SNX9: variants seen among roughly 807,000 people sequenced by gnomAD.
The protein encoded by SNX9 is sorting nexin 9, also known as sorting nexin-9.
In SNX9, 44 loss-of-function variants were observed where a neutral mutation model predicts 89.4. That is an observed-to-expected ratio of 0.49 (90% CI 0.39 to 0.63). The LOEUF (loss-of-function observed/expected upper bound fraction) is 0.63. SNX9 is among the 30% of genes least tolerant of loss of function. The pLI is 0.00. For missense variants in SNX9, 578 were observed against 736.1 expected (o/e 0.79, Z 2.49); for synonymous variants, 236 against 247.8 (o/e 0.95, Z 0.45).
chr6:157,894,083 C>A (rs945424393), intron 4 of SNX9, among the ~76,000 whole-genome samples: 1 of 115,520 alleles, frequency 8.7e-6, no homozygotes, highest in Non-Finnish European at 1.9e-5. Context: ...TGTATCATTT[C>A]TTTTTCTTTT....
intron 4 of SNX9, among the ~76,000 whole-genome samples, chr6:157,894,311 T>C (rs1782929809): frequency 6.6e-6 from 1 of 151,332 alleles, no homozygotes; most frequent in African/African-American, 2.4e-5. Flanking sequence ...GGTTTCACCG[T>C]GTTGGCCAGG....
chr6:157,916,633 C>T (rs1783478138), intron 9 of SNX9, among the ~76,000 whole-genome samples: 1 of 152,138 alleles, frequency 6.6e-6, no homozygotes, highest in Non-Finnish European at 1.5e-5. Flanking sequence ...AGTTTTTGTT[C>T]ATGAATAGAT....
intron 1 of SNX9, among the ~76,000 whole-genome samples, chr6:157,841,456 T>C (rs1241480967): frequency 1.3e-5 from 2 of 151,858 alleles, no homozygotes; most frequent in Admixed American, 6.6e-5. Flanking sequence ...GAGAGAGAGA[T>C]TGAGACCTAC....
In SNX9 at chr6:157,930,089, T is replaced by C. The variant is rs1407373533; in HGVS notation, c.1288+1387T>C. On this transcript the variant is annotated intron_variant, in intron 12 of 17. Coordinates refer to ENST00000392185, the MANE Select transcript of SNX9 (RefSeq NM_016224.5). ...CTAAAACGTTTACTATCTGGCACTT[T>C]GCAGAGGAAGTTTGCCAGGCCCTGC... is the stretch of plus-strand genomic sequence containing the variant. Among the ~76,000 whole-genome samples, 3 of 152,314 alleles carry C rather than the reference T, an allele frequency of 2.0e-5. No homozygotes were observed. The East Asian group carries it at 5.8e-4, about 29-fold the overall frequency.
intron 10 of SNX9, among the ~76,000 whole-genome samples, chr6:157,926,804 A>T (rs1265573095): frequency 6.8e-6 from 1 of 146,544 alleles, no homozygotes; most frequent in Non-Finnish European, 1.5e-5. Context: ...AAAAAAAAAA[A>T]GTATAGGGTG....
intron 5 of SNX9, among the ~76,000 whole-genome samples, chr6:157,901,228 G>A (rs542918058): frequency 6.6e-6 from 1 of 152,178 alleles, no homozygotes; most frequent in South Asian, 2.1e-4. Context: ...CAATAATCAG[G>A]AGCATTTCAT....
chr6:157,910,891 G>A (rs1189511831), intron 9 of SNX9, among the ~76,000 whole-genome samples: 1 of 152,168 alleles, frequency 6.6e-6, no homozygotes, highest in African/African-American at 2.4e-5. Flanking sequence ...GGAGGCCGAG[G>A]CGGGCGGATC....
intron 1 of SNX9, among the ~76,000 whole-genome samples, chr6:157,828,654 C>T (rs7765673): frequency 1.5e-3 from 222 of 152,144 alleles, no homozygotes; most frequent in African/African-American, 5.2e-3. Context: ...CCACCATGCC[C>T]AGCTACTTTT....
intron 1 of SNX9, among the ~76,000 whole-genome samples, chr6:157,859,153 A>G (rs1782069760): frequency 6.6e-6 from 1 of 152,224 alleles, no homozygotes; most frequent in South Asian, 2.1e-4. Flanking sequence ...GACAGGTGAC[A>G]TACACACACA....
intron 6 of SNX9, 145 bp from the exon 7 acceptor site, chr6:157,905,983 A>G: frequency 1.7e-6 from 1 of 603,220 alleles, no homozygotes; most frequent in East Asian, 3.2e-5. Context: ...ATCTGATTAC[A>G]TTAGGTTTCA....
At chr6:157,920,463 A>T (rs1783560855) in intron 9 of SNX9, among the ~76,000 whole-genome samples, 1 of 152,076 alleles carries the variant, frequency 6.6e-6, no homozygotes, top group East Asian at 1.9e-4. Context: ...CAGCCTGTCC[A>T]CCCTAGTGGT....
At chr6:157,934,847 C>T (rs989292903) in intron 13 of SNX9, among the ~76,000 whole-genome samples, 1 of 152,092 alleles carries the variant, frequency 6.6e-6, no homozygotes, top group South Asian at 2.1e-4. Context: ...AAACAGTTAC[C>T]CAATCCAGTA....
chr6:157,880,522 G>A (rs1485105126), intron 4 of SNX9, among the ~76,000 whole-genome samples: 3 of 152,058 alleles, frequency 2.0e-5, no homozygotes. Context: ...ATCTTCAACC[G>A]AATCACTTAT....
rs561957393 is a variant in SNX9 at position 157,846,349 on chromosome 6, G to A, written c.13-21198G>A. Among the ~76,000 whole-genome samples, 4 of 152,356 alleles carry A rather than the reference G, an allele frequency of 2.6e-5. No individual in the cohort carries two copies. The East Asian group carries it at 7.7e-4, about 29-fold the overall frequency. On this transcript the variant is annotated intron_variant, in intron 1 of 17. Coordinates refer to ENST00000392185, the MANE Select transcript of SNX9 (RefSeq NM_016224.5). ...AAGCCAGCTGTAGTTCTGTGGTGAGGTTTATGTTAGCTCTGTGAATCTAGA... is the reference window on the plus strand; with the variant it reads ...AAGCCAGCTGTAGTTCTGTGGTGAGATTTATGTTAGCTCTGTGAATCTAGA...
intron 10 of SNX9, among the ~76,000 whole-genome samples, chr6:157,925,266 A>C (rs1783667595): frequency 2.7e-5 from 4 of 150,922 alleles, no homozygotes; most frequent in African/African-American, 1.0e-4. Context: ...TAATCTCATT[A>C]GCAATCAATA....
At chr6:157,835,594 T>A (rs113894065) in intron 1 of SNX9, among the ~76,000 whole-genome samples, 2 of 152,132 alleles carry the variant, frequency 1.3e-5, no homozygotes, top group African/African-American at 4.8e-5. Flanking sequence ...TCTTGAATTG[T>A]AATCGCTGTA....
At chr6:157,873,031 C>A in intron 2 of SNX9, 71 bp from the exon 3 acceptor site, 2 of 1,267,714 alleles carry the variant, frequency 1.6e-6, no homozygotes, top group South Asian at 1.7e-5. Context: ...ACAATTCCTC[C>A]ACACAAAATT....
chr6:157,871,773 CTTTT>C (rs750179923), intron 2 of SNX9, among the ~76,000 whole-genome samples: 1 of 122,200 alleles, frequency 8.2e-6, no homozygotes, highest in Non-Finnish European at 1.7e-5. Flanking sequence ...TCAGTCTTAC[CTTTT>C]TTTTTTTTTT....
At chr6:157,825,562 A>G (rs1242902726) in intron 1 of SNX9, among the ~76,000 whole-genome samples, 1 of 152,190 alleles carries the variant, frequency 6.6e-6, no homozygotes, top group African/African-American at 2.4e-5. Context: ...TTCGTTATCT[A>G]CACCACTCCA....
Sources: gnomAD v4.1 joint callset for allele counts (sites outside exome capture counted in the v4.1 genomes callset) on GRCh38, gnomAD v4.1.1 for gene constraint, MANE v1.5 for transcripts, NCBI Gene and HGNC (gene_info 2026-07-23, HGNC 2026-07-21) for gene names.